ZSWIM3: variants seen among roughly 807,000 people sequenced by gnomAD.
ZSWIM3 encodes zinc finger SWIM domain-containing protein 3.
A neutral mutation model predicts 47.5 loss-of-function variants in ZSWIM3; 27 were observed. The ratio of observed to expected loss-of-function variants is 0.57; its 90% CI spans 0.42 to 0.78. The LOEUF (loss-of-function observed/expected upper bound fraction) is 0.78, where lower values mean the gene tolerates loss of function less well. Among genes scored for constraint, ZSWIM3 ranks in the 30% least tolerant of loss-of-function variants. The pLI, the probability that ZSWIM3 is intolerant of heterozygous loss-of-function variation, is 0.00. For missense variants in ZSWIM3, 689 were observed against 861.3 expected (o/e 0.80, Z 2.50); for synonymous variants, 333 against 333.9 (o/e 1.00, Z 0.03).
At chr20:45,869,450 C>T (rs1305219929) in intron 1 of ZSWIM3, among the ~76,000 whole-genome samples, 2 of 151,126 alleles carry the variant, frequency 1.3e-5, no homozygotes, top group Non-Finnish European at 2.9e-5. Context: ...ATCTGGGAGG[C>T]AGGGGTTGCA....
intron 1 of ZSWIM3, among the ~76,000 whole-genome samples, chr20:45,859,427 A>AC (rs1985645237): frequency 1.2e-5 from 1 of 85,036 alleles, no homozygotes; most frequent in South Asian, 4.1e-4. Context: ...AATGTGGAAA[A>AC]AAAAAAAAAA....
At chr20:45,859,816 A>C (rs6130949) in intron 1 of ZSWIM3, among the ~76,000 whole-genome samples, 628 of 129,288 alleles carry the variant, frequency 4.9e-3, no homozygotes, top group East Asian at 0.013. Flanking sequence ...AAAAAAAAAA[A>C]CCACAGTTGC....
rs772357659 is a variant in ZSWIM3, at chr20:45,877,422, C to T, written c.864C>T (p.Phe288=). 3 of 1,614,232 alleles carry T rather than the reference C, an allele frequency of 1.9e-6. No individual in the cohort carries two copies. The highest frequency in any genetic ancestry group is 1.7e-6 in the Non-Finnish European group (2 of 1,180,048). ...KVKVVFVDPS[F]HYRAILQEIF... ...AGGTGGTCTTTGTGGACCCTTCATT[C>T]CATTACCGGGCTATCCTGCAGGAGA... The change falls in exon 2 of 2, where the codon TTC becomes TTT. Residue 288 remains phenylalanine, a synonymous_variant. Transcript: ENST00000255152.
intron 1 of ZSWIM3, among the ~76,000 whole-genome samples, chr20:45,864,759 G>T (rs1985794440): frequency 6.6e-6 from 1 of 152,206 alleles, no homozygotes; most frequent in South Asian, 2.1e-4. Flanking sequence ...TACTCAGGGG[G>T]CTGAGGCAGG....
rs755806348 is a variant in ZSWIM3 at position 45,857,786 on chromosome 20, G to A, written c.-40G>A. The A allele has an allele frequency of 7.5e-6, 12 of 1,603,228 alleles. No homozygotes were observed. The highest frequency in any genetic ancestry group is 1.3e-5 in the African/African-American group (1 of 74,470). On this transcript the variant is annotated 5_prime_UTR_variant, in exon 1 of 2. Coordinates refer to ENST00000255152, the MANE Select transcript of ZSWIM3 (RefSeq NM_080752.4). ...TGACCCCTGGTGTGATCTTGGGCCC[G>A]GGCTGGGACCAGCCCCTAGTGTGGG... is the stretch of plus-strand genomic sequence containing the variant.
Position 45,878,243 on chromosome 20 carries a change from GAC to G in ZSWIM3, c.1689_1690del (p.Ile564PhefsTer13). On this transcript the variant is annotated frameshift_variant, in exon 2 of 2. Coordinates refer to ENST00000255152, the MANE Select transcript of ZSWIM3 (RefSeq NM_080752.4). LOFTEE classifies it high-confidence loss of function. Reference sequence around the variant, plus strand: ...CAACAATGGTACCACCTGCCATGCCGACACATTTTGGCTCTGCTGCACACCAG... The same window carrying G: ...CAACAATGGTACCACCTGCCATGCCGACATTTTGGCTCTGCTGCACACCAG... The G allele has an allele frequency of 6.2e-7, 1 of 1,614,186 alleles. No homozygotes were observed. The highest frequency in any genetic ancestry group is 8.5e-7 in the Non-Finnish European group (1 of 1,180,036).
intron 1 of ZSWIM3, among the ~76,000 whole-genome samples, chr20:45,872,067 G>A (rs750550899): frequency 2.6e-5 from 4 of 152,150 alleles, no homozygotes; most frequent in Non-Finnish European, 4.4e-5. Flanking sequence ...CCAGGTCTTA[G>A]CTGGAGGATT....
chr20:45,873,383 A>C (rs1046144854), intron 1 of ZSWIM3, among the ~76,000 whole-genome samples: 2 of 152,142 alleles, frequency 1.3e-5, no homozygotes, highest in African/African-American at 4.8e-5. Context: ...CCTGGGCAAC[A>C]AGAGTGAAAC....
At chr20:45,872,930 G>T in intron 1 of ZSWIM3, 1 of 1,149,638 alleles carries the variant, frequency 8.7e-7, no homozygotes, top group Non-Finnish European at 1.1e-6. Context: ...GGACCAGCTG[G>T]ATTAGAGTAT....
chr20:45,877,304 T>C lies in ZSWIM3; in HGVS notation c.746T>C (p.Val249Ala). The change falls in exon 2 of 2, where the codon GTG becomes GCG. Residue 249 changes from valine (V) to alanine (A), a missense_variant. By Grantham distance (64) the Val-to-Ala change is moderately conservative. Transcript: ENST00000255152. ...VENKERESRVVHFAVLKAETV... is the reference protein window; with the variant it reads ...VENKERESRVAHFAVLKAETV... Reference sequence around the variant, plus strand: ...AACAAGGAACGAGAAAGTCGAGTGGTGCACTTTGCTGTGCTCAAGGCGGAG... The same window carrying C: ...AACAAGGAACGAGAAAGTCGAGTGGCGCACTTTGCTGTGCTCAAGGCGGAG... The C allele has an allele frequency of 1.2e-6, 2 of 1,614,176 alleles. No individual in the cohort carries two copies. Among genetic ancestry groups the C allele is most frequent in the South Asian group, 1.1e-5 (1 of 91,078 alleles).
rs1006101925 is a variant in ZSWIM3, at chr20:45,857,630, A to G, written c.-196A>G. On this transcript the variant is annotated 5_prime_UTR_variant, in exon 1 of 2. Coordinates refer to ENST00000255152, the MANE Select transcript of ZSWIM3 (RefSeq NM_080752.4). ...ATTTCCCCTGTCAGATAGCAAATAC[A>G]CCCCCTTCCTCTTGTAACCCGGTCA... 21 of 695,860 alleles carry G rather than the reference A, an allele frequency of 3.0e-5. No homozygotes were observed. In the Admixed American group the frequency reaches 5.3e-4, roughly 18 times the overall value. 43.1% of individuals were successfully genotyped at this position (695,860 alleles called of 1,614,324 possible).
chr20:45,873,665 T>G (rs914269866), intron 1 of ZSWIM3, among the ~76,000 whole-genome samples: 2 of 152,206 alleles, frequency 1.3e-5, no homozygotes, highest in Non-Finnish European at 2.9e-5. Flanking sequence ...GATTATCTCA[T>G]TTTATGATGA....
chr20:45,865,997 AAAAAAAAAAAAGAAAAAG>A (rs1249793875), intron 1 of ZSWIM3, among the ~76,000 whole-genome samples: 1 of 150,806 alleles, frequency 6.6e-6, no homozygotes, highest in Admixed American at 6.7e-5. Flanking sequence ...TGTCTCAAAA[AAAAAAAAAAAAGAAAAAG>A]AAAAAAAAAA....
chr20:45,860,510 CAAAAAAAAAAAAAA>C (rs59152975), intron 1 of ZSWIM3, among the ~76,000 whole-genome samples: 1 of 102,630 alleles, frequency 9.7e-6, no homozygotes, highest in African/African-American at 5.5e-5. Context: ...GACTCCATCT[CAAAAAAAAAAAAAA>C]AAAAAAAAAA....
chr20:45,875,841 T>A (rs4810474), intron 1 of ZSWIM3, among the ~76,000 whole-genome samples: 88,792 of 151,590 alleles, frequency 0.59, 26,008 homozygotes, highest in Admixed American at 0.65. Flanking sequence ...TTCTTTTTTT[T>A]AAAAAAAAGA....
intron 1 of ZSWIM3, among the ~76,000 whole-genome samples, chr20:45,859,880 C>T (rs545799818): frequency 1.9e-4 from 28 of 151,252 alleles, no homozygotes; most frequent in African/African-American, 6.1e-4. Context: ...AGGTGTGGCC[C>T]ATAGCAGGCA....
Position 45,877,995 on chromosome 20 carries a change from A to ACAG in ZSWIM3, c.1438_1440dup (p.Gln480dup). On this transcript the variant is annotated inframe_insertion, in exon 2 of 2. Coordinates refer to ENST00000255152, the MANE Select transcript of ZSWIM3 (RefSeq NM_080752.4). ...AGACCAAGCCAGACGCACAGCAGGT[A>ACAG]CAGGTACAGCAGCAGTCACAAGTGC... is the stretch of plus-strand genomic sequence containing the variant. 1 of 1,614,008 alleles carries ACAG rather than the reference A, an allele frequency of 6.2e-7. No individual in the cohort carries two copies. Among genetic ancestry groups the ACAG allele is most frequent in the Non-Finnish European group, 8.5e-7 (1 of 1,179,860 alleles).
chr20:45,876,494 A>G (rs1426414229), intron 1 of ZSWIM3, among the ~76,000 whole-genome samples: 1 of 151,756 alleles, frequency 6.6e-6, no homozygotes, highest in African/African-American at 2.4e-5. Flanking sequence ...ATACACCACC[A>G]CACCTGGCTG....
At chr20:45,869,071 G>C (rs1258939795) in intron 1 of ZSWIM3, among the ~76,000 whole-genome samples, 1 of 152,036 alleles carries the variant, frequency 6.6e-6, no homozygotes, top group Non-Finnish European at 1.5e-5. Context: ...CAAAGTGCTG[G>C]GATTACAGGC....
Sources: gnomAD v4.1 joint callset for allele counts (sites outside exome capture counted in the v4.1 genomes callset) on GRCh38, gnomAD v4.1.1 for gene constraint, MANE v1.5 for transcripts, NCBI Gene and HGNC (gene_info 2026-07-23, HGNC 2026-07-21) for gene names.